MUSK: variants seen among roughly 807,000 people sequenced by gnomAD.
The protein encoded by MUSK is muscle associated receptor tyrosine kinase, also known as muscle, skeletal receptor tyrosine-protein kinase.
Under a neutral mutation model 88.7 loss-of-function variants are expected in MUSK, and 55 were observed. The ratio of observed to expected loss-of-function variants is 0.62; its 90% confidence interval spans 0.50 to 0.78. MUSK has a LOEUF of 0.78. Among genes scored for constraint, MUSK ranks in the 30% least tolerant of loss-of-function variants. The pLI is 0.00. For synonymous variants in MUSK, 387 were observed against 391.9 expected (o/e 0.99, Z 0.15); for missense variants, 1,015 against 1,074.3 (o/e 0.94, Z 0.77).
intron 1 of MUSK, among the ~76,000 whole-genome samples, chr9:110,675,215 CTTTTTTTTTTT>C (rs386415865): frequency 3.4e-5 from 3 of 88,346 alleles, no homozygotes; most frequent in African/African-American, 1.3e-4. Flanking sequence ...CACATTGCCT[CTTTTTTTTTTT>C]TTTTTTTTTT....
rs568874928 is a variant in MUSK, at chr9:110,740,481, T to C, written c.753+6106T>C. 2.0e-5 allele frequency among the ~76,000 whole-genome samples: 3 copies of C among 152,288 alleles called. No homozygotes were observed. In the East Asian group the frequency reaches 5.8e-4, roughly 29 times the overall value. On this transcript the variant is annotated intron_variant, in intron 6 of 14. Transcript: ENST00000374448. ...CCAGAGTGTTTTTTCATAACACAGT[T>C]CTCATTCCAAAATAGTTTTTATTCC...
chr9:110,672,746 G>T (rs1352196404), intron 1 of MUSK, among the ~76,000 whole-genome samples: 1 of 152,010 alleles, frequency 6.6e-6, no homozygotes, highest in East Asian at 1.9e-4. Flanking sequence ...ATAGAAAGGA[G>T]CAAATACACC....
intron 9 of MUSK, among the ~76,000 whole-genome samples, chr9:110,771,817 A>C (rs990602839): frequency 2.6e-5 from 4 of 152,182 alleles, no homozygotes; most frequent in Non-Finnish European, 5.9e-5. Flanking sequence ...GGATCAACCA[A>C]ATAATTTATT....
chr9:110,805,976 ATTG>A lies in MUSK; in HGVS notation c.*4991_*4993del, dbSNP rs553593693. ...ATCTTGGTTAGTTTATTTTTAAATA[ATTG>A]TTATTTATGAAAGTAATACATAAAA... On this transcript the variant is annotated 3_prime_UTR_variant, in exon 15 of 15. Transcript: ENST00000374448. Among the ~76,000 whole-genome samples the A allele has an allele frequency of 2.2e-4, 33 of 152,118 alleles. No individual in the cohort carries two copies. In the South Asian group the frequency reaches 6.6e-3, roughly 31 times the overall value.
chr9:110,778,302 G>C (rs529746533), intron 11 of MUSK, among the ~76,000 whole-genome samples: 35 of 152,204 alleles, frequency 2.3e-4, no homozygotes, highest in African/African-American at 5.8e-4. Context: ...TTGTAAGCAA[G>C]GATTACACTA....
At chr9:110,741,844 C>T (rs535464105) in intron 6 of MUSK, among the ~76,000 whole-genome samples, 1 of 152,192 alleles carries the variant, frequency 6.6e-6, no homozygotes, top group South Asian at 2.1e-4. Context: ...GTTGTAAATG[C>T]CCCTCTTTAG....
chr9:110,797,392 A>C lies in MUSK; in HGVS notation c.1928-2914A>C, dbSNP rs138129407. Reference sequence around the variant, plus strand: ...GGAGGAAGTGATGAACAACAGGTAGAGTAACTGAAAATGAGATTATGGGAG... The same window carrying C: ...GGAGGAAGTGATGAACAACAGGTAGCGTAACTGAAAATGAGATTATGGGAG... On this transcript the variant is annotated intron_variant, in intron 14 of 14. Coordinates refer to ENST00000374448, the MANE Select transcript of MUSK (RefSeq NM_005592.4). Among the ~76,000 whole-genome samples, 955 of 152,182 alleles carry C rather than the reference A, an allele frequency of 6.3e-3. 8 individuals are homozygous for C. The highest frequency in any genetic ancestry group is 0.022 in the African/African-American group (920 of 41,546).
At chr9:110,673,177 T>G (rs1400119965) in intron 1 of MUSK, among the ~76,000 whole-genome samples, 1 of 152,206 alleles carries the variant, frequency 6.6e-6, no homozygotes, top group Non-Finnish European at 1.5e-5. Flanking sequence ...TGGCATTCTG[T>G]GTGTAGAAAC....
At chr9:110,747,827 G>A (rs2077195261) in intron 7 of MUSK, 27 bp downstream of exon 7, 2 of 1,611,316 alleles carry the variant, frequency 1.2e-6, no homozygotes, top group East Asian at 2.2e-5. Context: ...CATTTGCGTT[G>A]TTCCAGGAGA....
chr9:110,740,314 A>G (rs1019848178), intron 6 of MUSK, among the ~76,000 whole-genome samples: 4 of 152,118 alleles, frequency 2.6e-5, no homozygotes, highest in African/African-American at 4.8e-5. Flanking sequence ...TCAAGGTGCT[A>G]TCAGGGTTGG....
At chr9:110,694,720 C>A (rs1036026433) in intron 3 of MUSK, among the ~76,000 whole-genome samples, 7 of 152,076 alleles carry the variant, frequency 4.6e-5, no homozygotes, top group Non-Finnish European at 8.8e-5. Flanking sequence ...CTTATCAATT[C>A]TTTTGTATAT....
chr9:110,765,773 G>A (rs117752576), intron 8 of MUSK, among the ~76,000 whole-genome samples: 13,375 of 151,920 alleles, frequency 0.088, 779 homozygotes, highest in East Asian at 0.2. Context: ...TGGGTTTCTC[G>A]ATGTCGGCCA....
intron 5 of MUSK, among the ~76,000 whole-genome samples, chr9:110,705,243 G>A (rs888569143): frequency 6.6e-6 from 1 of 152,158 alleles, no homozygotes; most frequent in Non-Finnish European, 1.5e-5. Context: ...CAAACTCAGG[G>A]ATGGGAAAAG....
intron 9 of MUSK, among the ~76,000 whole-genome samples, chr9:110,772,088 AT>A (rs2077585014): frequency 6.7e-6 from 1 of 150,092 alleles, no homozygotes; most frequent in Non-Finnish European, 1.5e-5. Context: ...TGGTCTATAA[AT>A]TATTATATAT....
chr9:110,711,311 C>T (rs981288672), intron 5 of MUSK, among the ~76,000 whole-genome samples: 2 of 152,146 alleles, frequency 1.3e-5, no homozygotes, highest in African/African-American at 4.8e-5. Flanking sequence ...TGCAGAGGAG[C>T]TTCCTGCCAG....
intron 5 of MUSK, among the ~76,000 whole-genome samples, chr9:110,719,248 T>G (rs1019556275): frequency 1.3e-5 from 2 of 151,878 alleles, no homozygotes; most frequent in African/African-American, 4.8e-5. Context: ...AATACTAACG[T>G]GGAATGTAAA....
At chr9:110,683,021 G>A (rs1478736320) in intron 2 of MUSK, among the ~76,000 whole-genome samples, 2 of 151,928 alleles carry the variant, frequency 1.3e-5, no homozygotes, top group African/African-American at 4.8e-5. Context: ...GTACAACTAA[G>A]TTATTGTTGA....
chr9:110,725,980 CAAA>C (rs1252055669), intron 5 of MUSK, among the ~76,000 whole-genome samples: 1 of 151,740 alleles, frequency 6.6e-6, no homozygotes, highest in Non-Finnish European at 1.5e-5. Flanking sequence ...TCGAAATGAC[CAAA>C]AAAGTCATAC....
chr9:110,787,704 T>C lies in MUSK; in HGVS notation c.1793T>C (p.Leu598Pro), dbSNP rs1188897958. Residue 598 changes from leucine to proline, a missense_variant, in exon 14 of 15, where the codon CTT (leucine) becomes CCT (proline). By Grantham distance (98) the Leu-to-Pro change is moderately conservative. Coordinates refer to ENST00000374448, the MANE Select transcript of MUSK (RefSeq NM_005592.4). ...RVFQARAPGL[L>P]PYEPFTMVAV... ...GTATCTCTCAGGGCACCAGGCTTAC[T>C]TCCCTATGAACCTTTCACTATGGTG... 2 of 1,613,606 alleles carry C rather than the reference T, an allele frequency of 1.2e-6. No homozygotes were observed. Among genetic ancestry groups the C allele is most frequent in the Non-Finnish European group, 1.7e-6 (2 of 1,179,832 alleles).
Sources: gnomAD v4.1 joint callset for allele counts (sites outside exome capture counted in the v4.1 genomes callset) on GRCh38, gnomAD v4.1.1 for gene constraint, MANE v1.5 for transcripts, NCBI Gene and HGNC (gene_info 2026-07-23, HGNC 2026-07-21) for gene names.